Variants in CTNNA2 observed in about 807,000 individuals in gnomAD.
CTNNA2 encodes catenin alpha-2.
Under a neutral mutation model 101.0 loss-of-function variants are expected in CTNNA2, and 42 were observed. The ratio of observed to expected loss-of-function variants is 0.42; its 90% CI spans 0.32 to 0.54. CTNNA2 has a LOEUF of 0.54. Among genes scored for constraint, CTNNA2 ranks in the 20% least tolerant of loss-of-function variants. CTNNA2 has a pLI of 0.14. For synonymous variants in CTNNA2, 450 were observed against 456.4 expected, an observed-to-expected ratio of 0.99 and a Z score of 0.18; for missense variants, 871 against 1,223.1, an observed-to-expected ratio of 0.71 and a Z score of 4.29.
chr2:79,483,547 G>A (rs1314608551), intron 4 of CTNNA2, among the ~76,000 whole-genome samples: 1 of 151,958 alleles, frequency 6.6e-6, no homozygotes, highest in East Asian at 1.9e-4. Context: ...CTGGTGGACC[G>A]AGGGCCTCAT....
intron 2 of CTNNA2, among the ~76,000 whole-genome samples, chr2:79,283,202 G>A (rs1164229362): frequency 0.012 from 1,315 of 105,824 alleles, 6 homozygotes; most frequent in African/African-American, 0.035. Flanking sequence ...CTCCCATTTT[G>A]TAGGTTGCCT....
rs557756890 is a variant in CTNNA2 at position 80,424,580 on chromosome 2, G to T, written c.1290+4979G>T. Among the ~76,000 whole-genome samples the T allele has an allele frequency of 3.9e-5, 6 of 152,284 alleles. No individual in the cohort carries two copies. The East Asian group carries it at 1.2e-3, about 29-fold the overall frequency. On this transcript the variant is annotated intron_variant, in intron 9 of 18. Coordinates refer to ENST00000402739, the MANE Select transcript of CTNNA2 (RefSeq NM_001282597.3). ...TTTTCTGTTGGGCAGCAGAGAGGCA[G>T]ACCATTTCATTACAATCAAAGATCA...
chr2:79,726,055 C>T (rs1031494012), intron 2 of CTNNA2, among the ~76,000 whole-genome samples: 1 of 152,138 alleles, frequency 6.6e-6, no homozygotes, highest in African/African-American at 2.4e-5. Flanking sequence ...CAGCAGTTTG[C>T]AATTCACCAG....
chr2:79,764,643 G>A (rs942989024), intron 3 of CTNNA2, among the ~76,000 whole-genome samples: 12 of 152,152 alleles, frequency 7.9e-5, no homozygotes, highest in Admixed American at 2.0e-4. Context: ...AGCCTTGTTG[G>A]TTCTCCAAAA....
chr2:79,584,495 A>T (rs1424883821), intron 1 of CTNNA2, among the ~76,000 whole-genome samples: 1 of 151,972 alleles, frequency 6.6e-6, no homozygotes, highest in Admixed American at 6.6e-5. Flanking sequence ...GATAAAAAAT[A>T]AAAATGTAGA....
At chr2:79,271,783 G>A (rs1250207896) in intron 2 of CTNNA2, among the ~76,000 whole-genome samples, 3 of 152,054 alleles carry the variant, frequency 2.0e-5, no homozygotes, top group Non-Finnish European at 4.4e-5. Flanking sequence ...ATGACCATGG[G>A]AAAGGCTGTA....
chr2:80,124,332 G>A (rs533574681), intron 7 of CTNNA2, among the ~76,000 whole-genome samples: 1 of 152,106 alleles, frequency 6.6e-6, no homozygotes, highest in South Asian at 2.1e-4. Flanking sequence ...CTTGGGACTG[G>A]ATTAAGTGCT....
intron 18 of CTNNA2, among the ~76,000 whole-genome samples, chr2:80,641,718 G>C (rs1355252899): frequency 6.6e-6 from 1 of 151,936 alleles, no homozygotes; most frequent in Non-Finnish European, 1.5e-5. Context: ...ACCAAGGAAG[G>C]TTATTTTCTA....
chr2:80,298,889 T>C (rs985668060), intron 7 of CTNNA2: 1 of 152,218 alleles, frequency 6.6e-6, no homozygotes, highest in Non-Finnish European at 1.5e-5. Flanking sequence ...GGACTGCCTA[T>C]TTTTTCTGAG....
At chr2:79,838,665 G>T (rs906377395) in intron 3 of CTNNA2, among the ~76,000 whole-genome samples, 1 of 152,016 alleles carries the variant, frequency 6.6e-6, no homozygotes, top group Non-Finnish European at 1.5e-5. Flanking sequence ...AGAAACTGGG[G>T]AACTTACACT....
intron 7 of CTNNA2, among the ~76,000 whole-genome samples, chr2:80,033,600 A>G (rs748052929): frequency 2.0e-5 from 3 of 152,030 alleles, no homozygotes; most frequent in Non-Finnish European, 2.9e-5. Context: ...AACAAAAAAC[A>G]CTCACCAAAT....
intron 2 of CTNNA2, among the ~76,000 whole-genome samples, chr2:79,212,186 G>A (rs1674183816): frequency 7.2e-5 from 11 of 152,258 alleles, no homozygotes; most frequent in Admixed American, 5.9e-4. Flanking sequence ...GGAGATATCA[G>A]CTGTGATGAC....
At chr2:79,911,810 GTTGGAC>G (rs1558634786) in intron 7 of CTNNA2, among the ~76,000 whole-genome samples, 1 of 152,148 alleles carries the variant, frequency 6.6e-6, no homozygotes, top group Non-Finnish European at 1.5e-5. Context: ...ATAACATTTA[GTTGGAC>G]TTCACACTTG....
chr2:80,332,915 T>C (rs1237831307), intron 7 of CTNNA2, among the ~76,000 whole-genome samples: 1 of 152,222 alleles, frequency 6.6e-6, no homozygotes, highest in Non-Finnish European at 1.5e-5. Context: ...GTTTATGTTT[T>C]TAAATGGCTG....
chr2:79,991,710 A>C (rs1209061284), intron 7 of CTNNA2, among the ~76,000 whole-genome samples: 1 of 152,168 alleles, frequency 6.6e-6, no homozygotes, highest in Admixed American at 6.6e-5. Flanking sequence ...GTTGCCCATG[A>C]TCAGTGAGAT....
intron 9 of CTNNA2, among the ~76,000 whole-genome samples, chr2:80,421,993 AT>A (rs1680565913): frequency 6.6e-6 from 1 of 152,046 alleles, no homozygotes; most frequent in Non-Finnish European, 1.5e-5. Flanking sequence ...AATTTTGATA[AT>A]TTCCTTTTGG....
At chr2:79,343,578 G>A (rs1361425562) in intron 3 of CTNNA2, among the ~76,000 whole-genome samples, 1 of 151,990 alleles carries the variant, frequency 6.6e-6, no homozygotes, top group African/African-American at 2.4e-5. Flanking sequence ...TATTGATCAG[G>A]GTGTCTGCCC....
At chr2:79,961,076 T>C (rs1335983939) in intron 7 of CTNNA2, among the ~76,000 whole-genome samples, 1 of 152,232 alleles carries the variant, frequency 6.6e-6, no homozygotes, top group Non-Finnish European at 1.5e-5. Flanking sequence ...AGATCTTTGA[T>C]TTCTGAAATA....
At chr2:80,462,520 C>A (rs1173344640) in intron 9 of CTNNA2, among the ~76,000 whole-genome samples, 1 of 151,868 alleles carries the variant, frequency 6.6e-6, no homozygotes, top group Non-Finnish European at 1.5e-5. Context: ...ATAATCATGA[C>A]TGGATTAAAC....
Sources: gnomAD v4.1 joint callset for allele counts (sites outside exome capture counted in the v4.1 genomes callset) on GRCh38, gnomAD v4.1.1 for gene constraint, MANE v1.5 for transcripts, NCBI Gene and HGNC (gene_info 2026-07-23, HGNC 2026-07-21) for gene names.